The following DLG2 variants were observed in gnomAD, a reference collection of about 807,000 sequenced individuals.
DLG2 encodes the protein discs large MAGUK scaffold protein 2.
DLG2 carries 45 observed loss-of-function variants against 132.5 expected under a neutral mutation model. The observed-to-expected ratio is 0.34, with a 90% CI of 0.27 to 0.44. The LOEUF (loss-of-function observed/expected upper bound fraction) is 0.44. Among genes scored for constraint, DLG2 ranks in the 20% least tolerant of loss-of-function variants. The pLI, the probability that DLG2 is intolerant of heterozygous loss-of-function variation, is 1.00. For synonymous variants in DLG2, 424 were observed against 419.6 expected (o/e 1.01, Z -0.13); for missense variants, 1,045 against 1,196.9 (o/e 0.87, Z 1.87).
At chr11:85,190,532 T>C (rs547732605) in intron 4 of DLG2, among the ~76,000 whole-genome samples, 24 of 150,870 alleles carry the variant, frequency 1.6e-4, no homozygotes, top group South Asian at 1.0e-3. Flanking sequence ...CTGAATGAAA[T>C]TGAGATGTAA....
intron 20 of DLG2, among the ~76,000 whole-genome samples, chr11:83,535,037 G>A (rs751743196): frequency 5.9e-5 from 9 of 152,194 alleles, no homozygotes; most frequent in Middle Eastern, 3.2e-3. Flanking sequence ...AACAGTTGGG[G>A]AGAAAGCAAG....
intron 6 of DLG2, among the ~76,000 whole-genome samples, chr11:84,909,101 C>T (rs200504577): frequency 2.0e-5 from 3 of 152,022 alleles, no homozygotes; most frequent in African/African-American, 4.8e-5. Flanking sequence ...TTTCTTTTCT[C>T]GTCTTTGAAA....
At chr11:84,687,290 A>C (rs1485873627) in intron 6 of DLG2, 1 of 152,138 alleles carries the variant, frequency 6.6e-6, no homozygotes, top group Non-Finnish European at 1.5e-5. Context: ...GTAAAACATA[A>C]CGACATAACT....
intron 11 of DLG2, among the ~76,000 whole-genome samples, chr11:84,049,220 T>C (rs190306127): frequency 6.6e-6 from 1 of 151,840 alleles, no homozygotes; most frequent in African/African-American, 2.4e-5. Flanking sequence ...TAATAAATTC[T>C]CATCTATAAT....
chr11:85,370,526 G>A (rs898495447), intron 3 of DLG2, among the ~76,000 whole-genome samples: 3 of 152,148 alleles, frequency 2.0e-5, no homozygotes, highest in African/African-American at 7.2e-5. Context: ...GTTTTCCTAT[G>A]GCACCAATCT....
At chr11:83,527,693 C>A (rs1161268524) in intron 21 of DLG2, among the ~76,000 whole-genome samples, 1 of 152,046 alleles carries the variant, frequency 6.6e-6, no homozygotes, top group Non-Finnish European at 1.5e-5. Context: ...CCATACCTTA[C>A]TTTAGAAAGG....
intron 7 of DLG2, among the ~76,000 whole-genome samples, chr11:84,348,305 G>T (rs148173581): frequency 1.3e-5 from 2 of 152,102 alleles, no homozygotes; most frequent in African/African-American, 4.8e-5. Flanking sequence ...GCTCAAGGAC[G>T]TTAAGTAATT....
chr11:84,807,663 G>A (rs2076148144), intron 6 of DLG2, among the ~76,000 whole-genome samples: 2 of 152,176 alleles, frequency 1.3e-5, no homozygotes, highest in South Asian at 4.2e-4. Context: ...AATAGGAAAG[G>A]TGTATCAGGT....
chr11:84,250,764 A>G (rs2097361745), intron 8 of DLG2, among the ~76,000 whole-genome samples: 1 of 152,240 alleles, frequency 6.6e-6, no homozygotes. Context: ...TCATAAAACC[A>G]TAACTTTCAT....
At chr11:84,171,322 T>C (rs1163710702) in intron 8 of DLG2, among the ~76,000 whole-genome samples, 1 of 152,156 alleles carries the variant, frequency 6.6e-6, no homozygotes, top group African/African-American at 2.4e-5. Context: ...AGTGGTGAAG[T>C]CTGGGCTTTT....
chr11:85,534,412 T>G (rs2075434959), intron 3 of DLG2, among the ~76,000 whole-genome samples: 1 of 152,182 alleles, frequency 6.6e-6, no homozygotes, highest in African/African-American at 2.4e-5. Flanking sequence ...TGTGTGATGC[T>G]GAAGTTTGGG....
intron 19 of DLG2, among the ~76,000 whole-genome samples, chr11:83,571,133 T>C (rs2096789060): frequency 6.6e-6 from 1 of 152,146 alleles, no homozygotes; most frequent in Non-Finnish European, 1.5e-5. Context: ...CCACCCACCT[T>C]GGCCTCCCAA....
chr11:84,489,876 A>G (rs527744948), intron 7 of DLG2, among the ~76,000 whole-genome samples: 2 of 152,198 alleles, frequency 1.3e-5, no homozygotes, highest in African/African-American at 4.8e-5. Flanking sequence ...ACTATAAGAA[A>G]GAAGATGATA....
chr11:85,481,251 C>T (rs974689272), intron 3 of DLG2, among the ~76,000 whole-genome samples: 2 of 152,124 alleles, frequency 1.3e-5, no homozygotes, highest in Non-Finnish European at 2.9e-5. Flanking sequence ...TTGATCAGTA[C>T]AGTAGAAATT....
At chr11:84,599,211 C>T (rs1437309810) in intron 6 of DLG2, among the ~76,000 whole-genome samples, 1 of 152,090 alleles carries the variant, frequency 6.6e-6, no homozygotes, top group East Asian at 1.9e-4. Context: ...TGCCATTGCA[C>T]AGCAGCTGGG....
intron 7 of DLG2, among the ~76,000 whole-genome samples, chr11:84,516,754 TA>T (rs1212735447): frequency 3.3e-5 from 5 of 150,590 alleles, no homozygotes; most frequent in African/African-American, 1.2e-4. Context: ...AAGAACATGA[TA>T]TATAAAAAAA....
At chr11:85,294,191 A>T (rs1056378628) in intron 3 of DLG2, among the ~76,000 whole-genome samples, 1 of 152,166 alleles carries the variant, frequency 6.6e-6, no homozygotes, top group Non-Finnish European at 1.5e-5. Context: ...ATAGAGTGAA[A>T]TGTAAACAAT....
At chr11:83,533,002 C>T (rs2095795116) in intron 20 of DLG2, among the ~76,000 whole-genome samples, 1 of 151,920 alleles carries the variant, frequency 6.6e-6, no homozygotes, top group African/African-American at 2.4e-5. Context: ...TACTGAGAGT[C>T]ACGTCATGGT....
intron 7 of DLG2, among the ~76,000 whole-genome samples, chr11:84,531,180 T>C (rs2099338622): frequency 6.6e-6 from 1 of 152,200 alleles, no homozygotes; most frequent in South Asian, 2.1e-4. Flanking sequence ...TGCAGTAACA[T>C]AGATGGAGCC....
Sources: allele counts gnomAD v4.1 joint callset (sites outside exome capture counted in the v4.1 genomes callset), GRCh38; gene constraint gnomAD v4.1.1; transcripts MANE v1.5; gene names NCBI Gene and HGNC (gene_info 2026-07-23, HGNC 2026-07-21).